NAALADL2: variants seen among roughly 807,000 people sequenced by gnomAD.
NAALADL2 encodes the protein N-acetylated alpha-linked acidic dipeptidase like 2.
A neutral mutation model predicts 87.2 loss-of-function variants in NAALADL2; 76 were observed. That is an observed-to-expected ratio of 0.87 (90% CI 0.72 to 1.05). NAALADL2 has a LOEUF of 1.05. Ranked by LOEUF, NAALADL2 falls within the 50% of genes least tolerant of loss-of-function variation. NAALADL2 has a pLI of 0.00. For synonymous variants in NAALADL2, 354 were observed against 331.0 expected, an observed-to-expected ratio of 1.07 and a Z score of -0.75; for missense variants, 1,089 against 945.8, an observed-to-expected ratio of 1.15 and a Z score of -1.99.
intron 5 of NAALADL2, among the ~76,000 whole-genome samples, chr3:175,406,738 TGAA>T (rs1712455617): frequency 2.0e-5 from 3 of 152,138 alleles, no homozygotes; most frequent in Non-Finnish European, 4.4e-5. Context: ...CTTTTATTTT[TGAA>T]GTTTATTTCC....
intron 13 of NAALADL2, among the ~76,000 whole-genome samples, chr3:175,761,741 C>T (rs1324011734): frequency 1.3e-5 from 2 of 152,110 alleles, no homozygotes; most frequent in African/African-American, 4.8e-5. Context: ...CGCAGTTCCC[C>T]AATGATATAT....
intron 1 of NAALADL2, among the ~76,000 whole-genome samples, chr3:174,455,666 C>G (rs1168530855): frequency 6.6e-6 from 1 of 152,108 alleles, no homozygotes; most frequent in Non-Finnish European, 1.5e-5. Flanking sequence ...TGATAAAATT[C>G]AACACCCCTT....
At chr3:174,626,874 C>A (rs1721628796) in intron 2 of NAALADL2, among the ~76,000 whole-genome samples, 1 of 151,984 alleles carries the variant, frequency 6.6e-6, no homozygotes, top group Admixed American at 6.6e-5. Flanking sequence ...ATATGAGACA[C>A]ACATTTTTTC....
Position 175,551,691 on chromosome 3 carries a change from A to T in NAALADL2, c.1654-24350A>T, listed in dbSNP as rs144474326. Among the ~76,000 whole-genome samples, 1,250 of 152,264 alleles carry T rather than the reference A, an allele frequency of 8.2e-3. 12 individuals are homozygous for T. Among genetic ancestry groups the T allele is most frequent in the Middle Eastern group, 0.02 (6 of 294 alleles). On this transcript the variant is annotated intron_variant, in intron 9 of 13. Transcript: ENST00000454872. ...CAGGCGGGTGGATCACAAGGTCAGG[A>T]GATCGAGACCATCCTGGCTAACACG...
intron 1 of NAALADL2, among the ~76,000 whole-genome samples, chr3:175,038,071 A>G (rs531510236): frequency 1.3e-5 from 2 of 152,304 alleles, no homozygotes; most frequent in South Asian, 4.1e-4. Flanking sequence ...TTTTATTGTC[A>G]TGACAGTCCA....
chr3:175,502,744 A>C (rs1373071654), intron 9 of NAALADL2, among the ~76,000 whole-genome samples: 1 of 152,022 alleles, frequency 6.6e-6, no homozygotes, highest in Admixed American at 6.6e-5. Flanking sequence ...GGAGAACCTA[A>C]ACATCAGGAT....
intron 3 of NAALADL2, among the ~76,000 whole-genome samples, chr3:174,771,044 C>A (rs1349878824): frequency 6.6e-6 from 1 of 152,020 alleles, no homozygotes; most frequent in Non-Finnish European, 1.5e-5. Flanking sequence ...AATTAATATA[C>A]AAATTATGAA....
At position 175,805,934 on chromosome 3, in the gene NAALADL2, A is replaced by G. The variant is rs1213910103; in HGVS notation, c.*2731A>G. The stretch of plus-strand genomic sequence containing the variant: ...CCTTCAGCCAGAGAAGGCATTATCA[A>G]TTACCCCCACCAGATATAGTAACTA... On this transcript the variant is annotated 3_prime_UTR_variant, in exon 14 of 14. Transcript: ENST00000454872. The G allele has an allele frequency of 6.6e-6, 1 of 151,924 alleles. No individual in the cohort carries two copies. Among genetic ancestry groups the G allele is most frequent in the Non-Finnish European group, 1.5e-5 (1 of 67,894 alleles). 9.4% of individuals were successfully genotyped at this position (151,924 alleles called of 1,614,324 possible). A position where few individuals can be genotyped will look rare whatever the true frequency, so the allele number is the denominator to read the frequency against.
chr3:175,618,630 C>T (rs1402828788), intron 10 of NAALADL2, among the ~76,000 whole-genome samples: 1 of 152,050 alleles, frequency 6.6e-6, no homozygotes, highest in African/African-American at 2.4e-5. Flanking sequence ...GAAAGGCATC[C>T]CTTAGTCGCC....
chr3:175,085,873 G>A (rs746957365), intron 1 of NAALADL2, among the ~76,000 whole-genome samples: 3 of 152,188 alleles, frequency 2.0e-5, no homozygotes, highest in Non-Finnish European at 1.5e-5. Context: ...AGCAGAGATC[G>A]TGCCACTGCA....
At chr3:174,872,822 A>T (rs114314186) in intron 1 of NAALADL2, among the ~76,000 whole-genome samples, 249 of 152,192 alleles carry the variant, frequency 1.6e-3, no homozygotes, top group Non-Finnish European at 2.6e-3. Context: ...TCAGTACCTA[A>T]TTAAAGGTAT....
intron 2 of NAALADL2, among the ~76,000 whole-genome samples, chr3:174,737,226 C>T (rs2108999590): frequency 6.6e-6 from 1 of 152,370 alleles, no homozygotes; most frequent in Middle Eastern, 3.4e-3. Flanking sequence ...TCTCAGATTC[C>T]TGGGCTTAAG....
intron 2 of NAALADL2, among the ~76,000 whole-genome samples, chr3:174,647,178 T>C (rs951952613): frequency 6.6e-6 from 1 of 152,210 alleles, no homozygotes; most frequent in Non-Finnish European, 1.5e-5. Flanking sequence ...AACACTATAA[T>C]GTAGTAGGGG....
intron 9 of NAALADL2, among the ~76,000 whole-genome samples, chr3:175,472,677 A>G (rs1452991237): frequency 6.6e-6 from 1 of 152,174 alleles, no homozygotes; most frequent in Non-Finnish European, 1.5e-5. Context: ...CAACTTTCAT[A>G]AAGTATTTTT....
intron 10 of NAALADL2, among the ~76,000 whole-genome samples, chr3:175,613,222 A>G (rs1328911161): frequency 6.6e-6 from 1 of 152,212 alleles, no homozygotes; most frequent in Non-Finnish European, 1.5e-5. Flanking sequence ...CCATTTAATG[A>G]CTTAACGTTA....
chr3:175,436,328 T>G (rs1035976962), intron 5 of NAALADL2, among the ~76,000 whole-genome samples: 1 of 149,706 alleles, frequency 6.7e-6, no homozygotes, highest in Non-Finnish European at 1.5e-5. Context: ...CATGCGTCTT[T>G]ATAGCAGCAT....
chr3:174,682,457 T>C (rs1425649968), intron 2 of NAALADL2, among the ~76,000 whole-genome samples: 1 of 152,174 alleles, frequency 6.6e-6, no homozygotes, highest in Non-Finnish European at 1.5e-5. Context: ...TGAAACCCAA[T>C]AACATGCTGG....
chr3:175,122,734 C>T (rs1180951816), intron 2 of NAALADL2, among the ~76,000 whole-genome samples: 1 of 151,804 alleles, frequency 6.6e-6, no homozygotes, highest in East Asian at 1.9e-4. Context: ...TTTGCATTTT[C>T]CAGTTAGAGG....
At chr3:175,332,084 C>G (rs757334530) in intron 5 of NAALADL2, among the ~76,000 whole-genome samples, 7 of 152,118 alleles carry the variant, frequency 4.6e-5, no homozygotes, top group Non-Finnish European at 8.8e-5. Flanking sequence ...GAAGAGGACA[C>G]AAACAAATGG....
Sources: gnomAD v4.1 joint callset for allele counts (sites outside exome capture counted in the v4.1 genomes callset) on GRCh38, gnomAD v4.1.1 for gene constraint, MANE v1.5 for transcripts, NCBI Gene and HGNC (gene_info 2026-07-23, HGNC 2026-07-21) for gene names.